Variants in ARMC3 observed in about 807,000 individuals in gnomAD.
ARMC3 encodes the protein armadillo repeat-containing protein 3.
In ARMC3, 74 loss-of-function variants were observed where a neutral mutation model predicts 90.3. That is an observed-to-expected ratio of 0.82 (90% CI 0.68 to 0.99). ARMC3 has a LOEUF of 0.99. ARMC3 is among the 50% of genes least tolerant of loss of function. The probability of loss-of-function intolerance (pLI) is 0.00; values close to 1 mark genes in which losing one functional copy is unlikely to be tolerated. For synonymous variants in ARMC3, 334 were observed against 361.8 expected (o/e 0.92, Z 0.87); for missense variants, 958 against 1,042.8 (o/e 0.92, Z 1.12).
At chr10:22,961,822 T>A in intron 6 of ARMC3, 62 bp from the exon 7 acceptor site, 1 of 1,347,256 alleles carries the variant, frequency 7.4e-7, no homozygotes. Context: ...AAACAGAATT[T>A]CTCCATTCTT....
chr10:23,003,003 A>G (rs1387069322), intron 12 of ARMC3, among the ~76,000 whole-genome samples: 6 of 152,218 alleles, frequency 3.9e-5, no homozygotes, highest in Non-Finnish European at 7.3e-5. Context: ...TGAACAAAGA[A>G]CTTTTTCCCC....
chr10:22,968,439 C>T lies in ARMC3; in HGVS notation c.866C>T (p.Pro289Leu), dbSNP rs1441577844. Residue 289 changes from proline (P) to leucine (L), a missense_variant, in exon 8 of 19, where the codon CCT (proline) becomes CTT (leucine). Coordinates refer to ENST00000298032, the MANE Select transcript of ARMC3 (RefSeq NM_173081.5). Reference sequence around the variant, plus strand: ...TCATTTGCAGAAAACTCTACAATTCCTGATATTCAGAAGAATGCAGCAAAA... The same window carrying T: ...TCATTTGCAGAAAACTCTACAATTCTTGATATTCAGAAGAATGCAGCAAAA... ...LLSFAENSTI[P>L]DIQKNAAKAI... is the part of the protein sequence containing the mutation. The T allele has an allele frequency of 6.2e-7, 1 of 1,610,186 alleles. No individual in the cohort carries two copies. The highest frequency in any genetic ancestry group is 1.7e-5 in the Admixed American group (1 of 58,852).
At chr10:22,970,046 T>G (rs1005357888) in intron 8 of ARMC3, among the ~76,000 whole-genome samples, 1 of 152,176 alleles carries the variant, frequency 6.6e-6, no homozygotes, top group Non-Finnish European at 1.5e-5. Flanking sequence ...CGTTTACTCA[T>G]GATTTCTTAC....
chr10:22,931,257 C>A (rs1833920219), intron 1 of ARMC3, among the ~76,000 whole-genome samples: 1 of 152,172 alleles, frequency 6.6e-6, no homozygotes, highest in African/African-American at 2.4e-5. Context: ...GCTGGTTACT[C>A]CTCTGTGGTA....
chr10:23,016,226 C>A (rs1327309421), intron 16 of ARMC3, among the ~76,000 whole-genome samples: 3 of 152,324 alleles, frequency 2.0e-5, no homozygotes, highest in Non-Finnish European at 2.9e-5. Flanking sequence ...ATAACAAAAT[C>A]TTCTTGCTTA....
chr10:23,010,633 TTC>T, intron 16 of ARMC3, among the ~76,000 whole-genome samples: 1 of 130,420 alleles, frequency 7.7e-6, no homozygotes, highest in African/African-American at 2.9e-5. Flanking sequence ...ACCTACCATC[TTC>T]TCTCTCCTTC....
At chr10:22,948,438 T>C (rs1246188197) in intron 3 of ARMC3, among the ~76,000 whole-genome samples, 1 of 151,992 alleles carries the variant, frequency 6.6e-6, no homozygotes, top group Non-Finnish European at 1.5e-5. Context: ...TTTATACTAG[T>C]AGTATTTTCT....
chr10:23,005,211 C>CAAAAAAAAAAAAAAA (rs35706584), intron 13 of ARMC3, among the ~76,000 whole-genome samples: 1 of 60,966 alleles, frequency 1.6e-5, no homozygotes, highest in Non-Finnish European at 3.5e-5. Flanking sequence ...AGACTCGTCT[C>CAAAAAAAAAAAAAAA]AAAAAAAAAA....
intron 3 of ARMC3, among the ~76,000 whole-genome samples, chr10:22,954,152 A>G (rs1271301404): frequency 1.3e-5 from 2 of 152,148 alleles, no homozygotes; most frequent in African/African-American, 2.4e-5. Flanking sequence ...TTGTCATTGT[A>G]TATCCTCTTT....
chr10:23,031,014 G>T, intron 17 of ARMC3: 1 of 478,442 alleles, frequency 2.1e-6, no homozygotes, highest in Non-Finnish European at 3.6e-6. Flanking sequence ...ATTGCTTCAA[G>T]AAAAATGCCT....
chr10:22,985,289 G>A (rs577987121), intron 10 of ARMC3, among the ~76,000 whole-genome samples: 56 of 152,104 alleles, frequency 3.7e-4, no homozygotes, highest in African/African-American at 1.1e-3. Flanking sequence ...TGTGACCCTC[G>A]GAGGTGTTCT....
Position 23,008,876 on chromosome 10 carries a change from G to C in ARMC3, c.1990G>C (p.Ala664Pro), listed in dbSNP as rs1409867698. The C allele has an allele frequency of 6.2e-7, 1 of 1,613,920 alleles. No homozygotes were observed. Among genetic ancestry groups the C allele is most frequent in the South Asian group, 1.1e-5 (1 of 91,054 alleles). The change falls in exon 16 of 19, where the codon GCT becomes CCT. Residue 664 changes from alanine to proline, a missense_variant. By Grantham distance (27) the Ala-to-Pro change is conservative (BLOSUM62 -1). Transcript: ENST00000298032. The part of the protein sequence containing the change: ...GSPIEDKSEP[A>P]SGRNTVLSKS... ...TCCCATAGAAGACAAATCAGAGCCA[G>C]CTTCTGGACGAAATACTGTTCTCAG...
At chr10:23,025,823 A>T (rs1326488040) in intron 16 of ARMC3, among the ~76,000 whole-genome samples, 1 of 152,170 alleles carries the variant, frequency 6.6e-6, no homozygotes, top group African/African-American at 2.4e-5. Flanking sequence ...AAAGTTCAAT[A>T]ACTTGGGTAA....
chr10:22,958,155 G>T (rs925025171), intron 4 of ARMC3, among the ~76,000 whole-genome samples: 3 of 152,082 alleles, frequency 2.0e-5, no homozygotes, highest in African/African-American at 7.2e-5. Context: ...TAGTTTATTT[G>T]CCCCAAATCA....
intron 8 of ARMC3, among the ~76,000 whole-genome samples, chr10:22,979,271 A>C (rs895446669): frequency 2.6e-5 from 4 of 152,230 alleles, no homozygotes. Context: ...TGATCTGTGT[A>C]ATTAAAACAC....
chr10:23,014,244 C>A, intron 16 of ARMC3: 1 of 1,510,708 alleles, frequency 6.6e-7, no homozygotes, highest in South Asian at 1.2e-5. Flanking sequence ...ATCCCTGCCT[C>A]AAAGAGCTGC....
chr10:23,002,774 G>A (rs1309850483), intron 12 of ARMC3, among the ~76,000 whole-genome samples: 3 of 151,808 alleles, frequency 2.0e-5, no homozygotes, highest in Non-Finnish European at 4.4e-5. Flanking sequence ...AGGTTTTGCC[G>A]TGTTGGCCAG....
At chr10:22,958,946 C>T (rs1191262016) in intron 4 of ARMC3, 124 bp from the exon 5 acceptor site, 1 of 744,256 alleles carries the variant, frequency 1.3e-6, no homozygotes, top group Non-Finnish European at 2.2e-6. Context: ...TGGTCTCGAA[C>T]TCCTGACCTC....
At chr10:22,974,125 TCTCA>T (rs1835814067) in intron 8 of ARMC3, among the ~76,000 whole-genome samples, 1 of 152,198 alleles carries the variant, frequency 6.6e-6, no homozygotes, top group African/African-American at 2.4e-5. Context: ...TTTTTTTAAA[TCTCA>T]CTTTTATTGC....
Sources: gnomAD v4.1 joint callset for allele counts (sites outside exome capture counted in the v4.1 genomes callset) on GRCh38, gnomAD v4.1.1 for gene constraint, MANE v1.5 for transcripts, NCBI Gene and HGNC (gene_info 2026-07-23, HGNC 2026-07-21) for gene names.